Variants in SSR1 observed in about 807,000 individuals in gnomAD.
SSR1 encodes the protein signal sequence receptor subunit 1.
SSR1 carries 13 observed loss-of-function variants against 36.1 expected under a neutral mutation model. The ratio of observed to expected loss-of-function variants is 0.36; its 90% CI spans 0.23 to 0.57. The LOEUF (loss-of-function observed/expected upper bound fraction) is 0.57. Ranked by LOEUF, SSR1 falls within the 20% of genes least tolerant of loss-of-function variation. The pLI is 0.81. For synonymous variants in SSR1, 113 were observed against 118.9 expected (o/e 0.95, Z 0.32); for missense variants, 291 against 338.5 (o/e 0.86, Z 1.10).
At chr6:7,290,955 A>C (rs1182141162) in intron 7 of SSR1, among the ~76,000 whole-genome samples, 1 of 131,538 alleles carries the variant, frequency 7.6e-6, no homozygotes, top group Non-Finnish European at 1.7e-5. Context: ...GTGCAGTGCC[A>C]CGATCTCCGC....
At chr6:7,300,100 A>T (rs908207109) in intron 4 of SSR1, among the ~76,000 whole-genome samples, 1 of 152,222 alleles carries the variant, frequency 6.6e-6, no homozygotes, top group African/African-American at 2.4e-5. Flanking sequence ...AAGCTACTTA[A>T]CTATAGAGTT....
chr6:7,301,287 A>G (rs1476439772), intron 4 of SSR1, 23 bp downstream of exon 4: 1 of 1,606,380 alleles, frequency 6.2e-7, no homozygotes, highest in Non-Finnish European at 8.5e-7. Context: ...ACTTAAACAA[A>G]AAGAAGGTTT....
At chr6:7,304,672 GAAC>G (rs1758012314) in intron 2 of SSR1, among the ~76,000 whole-genome samples, 2 of 152,122 alleles carry the variant, frequency 1.3e-5, no homozygotes, top group Non-Finnish European at 2.9e-5. Flanking sequence ...TTTAAAATGT[GAAC>G]AAATTTTATT....
At chr6:7,303,718 C>T (rs1398459208) in intron 2 of SSR1, 81 bp from the exon 3 acceptor site, 26 of 1,115,842 alleles carry the variant, frequency 2.3e-5, no homozygotes, top group Admixed American at 1.4e-4. Context: ...TGGCCGGGCA[C>T]GGTGGCTCAC....
Position 7,301,380 on chromosome 6 carries a change from A to T in SSR1, c.473T>A (p.Phe158Tyr). 1 of 1,614,218 alleles carries T rather than the reference A, an allele frequency of 6.2e-7. No individual in the cohort carries two copies. The highest frequency in any genetic ancestry group is 1.1e-5 in the South Asian group (1 of 91,082). Residue 158 changes from phenylalanine to tyrosine, a missense_variant, in exon 4 of 8, where the codon TTC (phenylalanine) becomes TAC (tyrosine). Phe to Tyr is a conservative substitution (Grantham distance 22). Coordinates refer to ENST00000244763, the MANE Select transcript of SSR1 (RefSeq NM_003144.5). ...PQRQATFEYS[F>Y]IPAEPMGGRP... ...TCCGCCCATGGGCTCTGCAGGAATGAAAGAGTACTCAAAAGTTGCCTGTCT... is the reference window on the plus strand; with the variant it reads ...TCCGCCCATGGGCTCTGCAGGAATGTAAGAGTACTCAAAAGTTGCCTGTCT...
chr6:7,312,491 G>A (rs1273488008), intron 1 of SSR1, among the ~76,000 whole-genome samples: 4 of 152,318 alleles, frequency 2.6e-5, no homozygotes, highest in Non-Finnish European at 5.9e-5. Context: ...GGGTCAAGCA[G>A]GGCGTGAACA....
In SSR1 at chr6:7,284,736, G is replaced by C. The variant is rs1262542244; in HGVS notation, c.*5128C>G. On this transcript the variant is annotated 3_prime_UTR_variant, in exon 8 of 8. Transcript: ENST00000244763. ...TTTCCTTTTTTTTTTTTTCTCTTTT[G>C]CTAAGTAAAAAGTAGGTTTAAGGGA... The C allele has an allele frequency of 1.3e-5, 2 of 148,410 alleles. No homozygotes were observed. The highest frequency in any genetic ancestry group is 3.0e-5 in the Non-Finnish European group (2 of 67,306). 9.2% of individuals were successfully genotyped at this position (148,410 alleles called of 1,614,324 possible).
At chr6:7,312,944 A>G (rs968581377) in intron 1 of SSR1, 98 bp downstream of exon 1, 19 of 1,217,860 alleles carry the variant, frequency 1.6e-5, no homozygotes, top group Non-Finnish European at 2.2e-5. Flanking sequence ...GTGGACGCGG[A>G]CCCCAGGACC....
At position 7,295,451 on chromosome 6, in the gene SSR1, G is replaced by A. The variant is rs150558885; in HGVS notation, c.734C>T (p.Thr245Ile). 3.2e-5 allele frequency: 51 copies of A among 1,611,078 alleles called. No homozygotes were observed. Among genetic ancestry groups the A allele is most frequent in the Non-Finnish European group, 3.9e-5 (46 of 1,179,124 alleles). Residue 245 changes from threonine to isoleucine, a missense_variant, in exon 7 of 8, where the codon ACA (threonine) becomes ATA (isoleucine). By Grantham distance (89) the Thr-to-Ile change is moderately conservative. Coordinates refer to ENST00000244763, the MANE Select transcript of SSR1 (RefSeq NM_003144.5). ...KRPIQKVEMGTSSQNDVDMSW... is the reference protein window; with the variant it reads ...KRPIQKVEMGISSQNDVDMSW... The stretch of plus-strand genomic sequence containing the variant: ...CATGTCAACATCATTCTGACTTGAT[G>A]TACCCATTTCTACTTTCTGTATGGG...
chr6:7,292,846 T>C (rs1757713280), intron 7 of SSR1, among the ~76,000 whole-genome samples: 1 of 152,168 alleles, frequency 6.6e-6, no homozygotes, highest in Non-Finnish European at 1.5e-5. Context: ...TGTGCTCTTG[T>C]TACTTTGAAC....
rs1009481692 is a variant in SSR1, at chr6:7,296,689, A to G, written c.700-1204T>C. ...GGGTGAGTGAGGGAAGGAAAGGAGG[A>G]GGGTGAGTGAGGGAAGGAAAGGAGG... On this transcript the variant is annotated intron_variant, in intron 6 of 7. Transcript: ENST00000244763. Among the ~76,000 whole-genome samples the G allele has an allele frequency of 2.7e-5, 4 of 150,434 alleles. No individual in the cohort carries two copies. In the Admixed American group the frequency reaches 2.7e-4, roughly 10 times the overall value.
rs1315515086 is a variant in SSR1, at chr6:7,282,109, C to T, written c.*7755G>A. On this transcript the variant is annotated 3_prime_UTR_variant, in exon 8 of 8. Transcript: ENST00000244763. The stretch of plus-strand genomic sequence containing the variant: ...ACAAGTTGAGGCCGAGGAACTGAGG[C>T]TGAAGAAGGTTCTGGCAAGTGGAGA... The T allele has an allele frequency of 1.3e-5, 2 of 152,194 alleles. No individual in the cohort carries two copies. The highest frequency in any genetic ancestry group is 2.4e-5 in the African/African-American group (1 of 41,396). 9.4% of individuals were successfully genotyped at this position (152,194 alleles called of 1,614,324 possible). A position where few individuals can be genotyped will look rare whatever the true frequency, so the allele number is the denominator to read the frequency against.
intron 6 of SSR1, 55 bp downstream of exon 6, chr6:7,297,868 T>C (rs1757837144): frequency 7.1e-7 from 1 of 1,405,586 alleles, no homozygotes; most frequent in African/African-American, 1.4e-5. Context: ...ACTGCTTAAC[T>C]TAGTACTTAA....
chr6:7,297,500 C>T, intron 6 of SSR1, among the ~76,000 whole-genome samples: 1 of 151,588 alleles, frequency 6.6e-6, no homozygotes, highest in Non-Finnish European at 1.5e-5. Context: ...CCAAGGTGGG[C>T]AGATTGCTCG....
At chr6:7,301,270 A>G (rs1757926755) in intron 4 of SSR1, 40 bp downstream of exon 4, 1 of 1,597,510 alleles carries the variant, frequency 6.3e-7, no homozygotes, top group South Asian at 1.1e-5. Flanking sequence ...GCCCCCATCC[A>G]TCTCTAACTT....
Position 7,288,234 on chromosome 6 carries a change from T to C in SSR1, c.*1630A>G, listed in dbSNP as rs905891137. 4 of 152,184 alleles carry C rather than the reference T, an allele frequency of 2.6e-5. No homozygotes were observed. The highest frequency in any genetic ancestry group is 9.6e-5 in the African/African-American group (4 of 41,454). 9.4% of individuals were successfully genotyped at this position (152,184 alleles called of 1,614,324 possible). A position where few individuals can be genotyped will look rare whatever the true frequency, so the allele number is the denominator to read the frequency against. On this transcript the variant is annotated 3_prime_UTR_variant, in exon 8 of 8. Transcript: ENST00000244763. The stretch of plus-strand genomic sequence containing the variant: ...TGGGAATGTGAAGGGTCTCCTATAT[T>C]ACATTAAACAAAAAACCATGCAGTT...
intron 4 of SSR1, 160 bp from the exon 5 acceptor site, chr6:7,298,983 G>T: frequency 1.7e-6 from 1 of 604,420 alleles, no homozygotes; most frequent in Non-Finnish European, 2.9e-6. Context: ...TCTGTGGCAG[G>T]GACTCAACAT....
At position 7,289,811 on chromosome 6, in the gene SSR1, GA is replaced by G; in HGVS notation, c.*52del. The G allele has an allele frequency of 2.6e-6, 4 of 1,528,174 alleles. No homozygotes were observed. Among genetic ancestry groups the G allele is most frequent in the Admixed American group, 4.3e-5 (2 of 46,006 alleles). The allele number at this position is 1,528,174 out of a possible 1,614,324, so 94.7% of individuals were successfully genotyped here. Reference sequence around the variant, plus strand: ...TCTCTGCACTAATTCCCATCAGGCCGAAAAATATTAGGGCAGGTTAAGTAAA... The same window carrying G: ...TCTCTGCACTAATTCCCATCAGGCCGAAAATATTAGGGCAGGTTAAGTAAA... On this transcript the variant is annotated 3_prime_UTR_variant, in exon 8 of 8. Coordinates refer to ENST00000244763, the MANE Select transcript of SSR1 (RefSeq NM_003144.5).
At chr6:7,298,897 A>G in intron 4 of SSR1, 74 bp from the exon 5 acceptor site, 1 of 1,198,952 alleles carries the variant, frequency 8.3e-7, no homozygotes, top group Non-Finnish European at 1.2e-6. Context: ...ATTACTTAAA[A>G]CAGTTACTCT....
Sources: allele counts gnomAD v4.1 joint callset (sites outside exome capture counted in the v4.1 genomes callset), GRCh38; gene constraint gnomAD v4.1.1; transcripts MANE v1.5; gene names NCBI Gene and HGNC (gene_info 2026-07-23, HGNC 2026-07-21).